Variants in SERPINA10 observed in about 807,000 individuals in gnomAD.
The protein encoded by SERPINA10 is protein Z-dependent protease inhibitor.
A neutral mutation model predicts 28.0 loss-of-function variants in SERPINA10; 24 were observed. The ratio of observed to expected loss-of-function variants is 0.86; its 90% CI spans 0.62 to 1.20. SERPINA10 has a LOEUF of 1.20. Ranked by LOEUF, SERPINA10 falls within the 50% of genes most tolerant of loss-of-function variation. The probability of loss-of-function intolerance (pLI) is 0.00; values close to 1 mark genes in which losing one functional copy is unlikely to be tolerated. For synonymous variants in SERPINA10, 207 were observed against 203.9 expected, an observed-to-expected ratio of 1.02 and a Z score of -0.13; for missense variants, 521 against 537.7, an observed-to-expected ratio of 0.97 and a Z score of 0.31.
intron 3 of SERPINA10, among the ~76,000 whole-genome samples, chr14:94,286,883 T>A (rs1895037371): frequency 6.6e-6 from 1 of 152,138 alleles, no homozygotes; most frequent in Admixed American, 6.6e-5. Flanking sequence ...ATGTTTGGGG[T>A]TCATTGTTAG....
At chr14:94,291,253 TC>T (rs1268661845) in intron 1 of SERPINA10, among the ~76,000 whole-genome samples, 1 of 152,042 alleles carries the variant, frequency 6.6e-6, no homozygotes, top group South Asian at 2.1e-4. Flanking sequence ...TAGCTGCAGC[TC>T]CCGGGTAGCA....
Position 94,290,468 on chromosome 14 carries a change from C to T in SERPINA10, c.126G>A (p.Val42=). Residue 42 remains valine (V), a synonymous_variant, in exon 2 of 5, where the codon GTG becomes GTA. Coordinates refer to ENST00000261994, the MANE Select transcript of SERPINA10 (RefSeq NM_001100607.3). ...PAPQNQTSRV[V]QAPKEEEEDE... ...CTTCCTCTTCCTCCTTGGGAGCCTG[C>T]ACTACCCTGCTGGTCTGGTTCTGAG... 6.2e-7 allele frequency: 1 copy of T among 1,613,718 alleles called. No individual in the cohort carries two copies. The highest frequency in any genetic ancestry group is 8.5e-7 in the Non-Finnish European group (1 of 1,179,814).
chr14:94,284,248 C>T, intron 4 of SERPINA10, 92 bp from the exon 5 acceptor site: 1 of 1,129,724 alleles, frequency 8.9e-7, no homozygotes, highest in Non-Finnish European at 1.3e-6. Context: ...AGTGGTCCTA[C>T]CCATGGGGTC....
chr14:94,281,450 A>G lies in SERPINA10; in HGVS notation c.*2515T>C, dbSNP rs1377369800. On this transcript the variant is annotated 3_prime_UTR_variant, in exon 5 of 5. Coordinates refer to ENST00000261994, the MANE Select transcript of SERPINA10 (RefSeq NM_001100607.3). ...GACTCTGTCTCAAAACAAAAACAAA[A>G]ACAAAAACAAAAACTCGACACATAT... 6.6e-6 allele frequency: 1 copy of G among 152,344 alleles called. No homozygotes were observed. The highest frequency in any genetic ancestry group is 1.5e-5 in the Non-Finnish European group (1 of 68,228). 9.4% of individuals were successfully genotyped at this position (152,344 alleles called of 1,614,324 possible).
intron 1 of SERPINA10, 102 bp from the exon 2 acceptor site, chr14:94,290,745 G>A (rs1483340151): frequency 3.0e-5 from 40 of 1,338,920 alleles, no homozygotes; most frequent in Non-Finnish European, 4.0e-5. Flanking sequence ...TGTGGCTCAA[G>A]TAGGTTAGCC....
rs749819862 is a variant in SERPINA10, at chr14:94,286,106, A to T, written c.1143+2T>A. On this transcript the variant is annotated splice_donor_variant, in intron 4 of 4. Transcript: ENST00000261994. LOFTEE classifies it high-confidence loss of function. Reference sequence around the variant, plus strand: ...GGGCTCTGATGAAAGATCCTGACTTACCCTGGATACTTGGAGATTTCTTCC... The same window carrying T: ...GGGCTCTGATGAAAGATCCTGACTTTCCCTGGATACTTGGAGATTTCTTCC... 5.6e-6 allele frequency: 9 copies of T among 1,614,006 alleles called. No homozygotes were observed. In the African/African-American group the frequency reaches 1.2e-4, roughly 22 times the overall value.
intron 2 of SERPINA10, among the ~76,000 whole-genome samples, chr14:94,288,818 C>A (rs1173281214): frequency 4.6e-5 from 7 of 152,188 alleles, no homozygotes; most frequent in African/African-American, 1.7e-4. Context: ...GGGAATCGCA[C>A]ACGAAAGCAG....
chr14:94,290,996 C>G (rs1267806871), intron 1 of SERPINA10, among the ~76,000 whole-genome samples: 1 of 152,128 alleles, frequency 6.6e-6, no homozygotes, highest in Non-Finnish European at 1.5e-5. Context: ...ATCAGGGGTC[C>G]TCACACACCT....
Position 94,293,110 on chromosome 14 carries a change from G to A in SERPINA10, c.-51+79C>T, listed in dbSNP as rs2232693. The A allele has an allele frequency of 8.3e-3, 1,426 of 172,670 alleles. 25 individuals are homozygous for A. The highest frequency in any genetic ancestry group is 0.031 in the African/African-American group (1,340 of 42,872). The allele number at this position is 172,670 out of a possible 1,614,324, so 10.7% of individuals were successfully genotyped here. ...CCACACAGCCCTCACGTTGGAGCCC[G>A]CCCAGGGATGATACCATCCTTCCCG... On this transcript the variant is annotated intron_variant, in intron 1 of 4. Transcript: ENST00000261994.
Position 94,288,334 on chromosome 14 carries a change from T to C in SERPINA10, c.944A>G (p.Tyr315Cys), listed in dbSNP as rs748688709. The C allele has an allele frequency of 6.2e-7, 1 of 1,614,032 alleles. No homozygotes were observed. Among genetic ancestry groups the C allele is most frequent in the African/African-American group, 1.3e-5 (1 of 74,926 alleles). Reference sequence around the variant, plus strand: ...TGTCTCCACCAAGTCTGTGGTCAGGTAGTCTTCAAGGGCGAGGTGGTCACC... The same window carrying C: ...TGTCTCCACCAAGTCTGTGGTCAGGCAGTCTTCAAGGGCGAGGTGGTCACC... ...KMGDHLALED[Y>C]LTTDLVETWL... The change falls in exon 3 of 5, where the codon TAC (tyrosine) becomes TGC (cysteine). Residue 315 changes from tyrosine (Y) to cysteine (C), a missense_variant. By Grantham distance (194) the Tyr-to-Cys change is radical (BLOSUM62 -2). Transcript: ENST00000261994.
At chr14:94,284,178 A>G (rs765044067) in intron 4 of SERPINA10, 22 bp from the exon 5 acceptor site, 1 of 1,607,260 alleles carries the variant, frequency 6.2e-7, no homozygotes, top group Non-Finnish European at 8.5e-7. Flanking sequence ...AAATAATGTG[A>G]AAAACCATTT....
intron 3 of SERPINA10, among the ~76,000 whole-genome samples, chr14:94,287,690 C>T (rs931136347): frequency 6.6e-6 from 1 of 152,300 alleles, no homozygotes; most frequent in Admixed American, 6.5e-5. Context: ...GGACTGGGCC[C>T]CTGTTTCCTC....
At position 94,292,275 on chromosome 14, in the gene SERPINA10, C is replaced by T. The variant is rs138918753; in HGVS notation, c.-51+914G>A. Among the ~76,000 whole-genome samples, 48 of 152,184 alleles carry T rather than the reference C, an allele frequency of 3.2e-4. No homozygotes were observed. In the East Asian group the frequency reaches 7.8e-3, roughly 25 times the overall value. On this transcript the variant is annotated intron_variant, in intron 1 of 4. Coordinates refer to ENST00000261994, the MANE Select transcript of SERPINA10 (RefSeq NM_001100607.3). ...ATAAGAAGAGAGCAGAGTCCCCCTC[C>T]GCACCTCCTCTCCATGGGAGGACAC...
chr14:94,290,116 G>T lies in SERPINA10; in HGVS notation c.478C>A (p.Leu160Ile). 1 of 1,614,190 alleles carries T rather than the reference G, an allele frequency of 6.2e-7. No homozygotes were observed. Among genetic ancestry groups the T allele is most frequent in the East Asian group, 2.2e-5 (1 of 44,862 alleles). The change falls in exon 2 of 5, where the codon CTC becomes ATC. Residue 160 changes from leucine to isoleucine, a missense_variant. Physicochemically the swap from Leu to Ile is conservative, Grantham distance 5. Transcript: ENST00000261994. ...ATGAAGGCAAAACTCCCCTGTGTGAGGCCCAGTTCCAGGTTGCGGGAGAGG... is the reference window on the plus strand; with the variant it reads ...ATGAAGGCAAAACTCCCCTGTGTGATGCCCAGTTCCAGGTTGCGGGAGAGG... ...ETLSRNLELG[L>I]TQGSFAFIHK...
chr14:94,290,409 T>G lies in SERPINA10; in HGVS notation c.185A>C (p.Glu62Ala). Residue 62 changes from glutamate (E) to alanine (A), a missense_variant, in exon 2 of 5, where the codon GAG becomes GCG. Glu to Ala is a moderately radical substitution (Grantham distance 107). Coordinates refer to ENST00000261994, the MANE Select transcript of SERPINA10 (RefSeq NM_001100607.3). ...EQEASEEKAS[E>A]EEKAWLMASR... is the part of the protein sequence containing the mutation. The stretch of plus-strand genomic sequence containing the variant: ...GGCCATCAGCCAGGCTTTCTCTTCC[T>G]CACTGGCCTTCTCCTCGCTGGCCTC... 1.9e-6 allele frequency: 3 copies of G among 1,614,116 alleles called. No individual in the cohort carries two copies. Among genetic ancestry groups the G allele is most frequent in the Non-Finnish European group, 2.5e-6 (3 of 1,179,994 alleles).
chr14:94,286,858 A>G (rs1182989205), intron 3 of SERPINA10, among the ~76,000 whole-genome samples: 1 of 152,230 alleles, frequency 6.6e-6, no homozygotes. Context: ...AGCAAACATT[A>G]CTTGAGGGCT....
In SERPINA10 at chr14:94,284,157, C is replaced by G. The variant is rs868019115; in HGVS notation, c.1144-1G>C. ...CTTCAATCACTGTTCTTTGTAAAAC[C>G]TGGAAAAAGGAAATAATGTGAAAAA... On this transcript the variant is annotated splice_acceptor_variant, in intron 4 of 4. Coordinates refer to ENST00000261994, the MANE Select transcript of SERPINA10 (RefSeq NM_001100607.3). LOFTEE classifies it high-confidence loss of function. 4.8e-5 allele frequency: 77 copies of G among 1,613,504 alleles called. 1 individual carries two copies. Among genetic ancestry groups the G allele is most frequent in the Non-Finnish European group, 6.5e-5 (77 of 1,179,626 alleles).
intron 2 of SERPINA10, 124 bp downstream of exon 2, chr14:94,289,752 G>T: frequency 9.0e-7 from 1 of 1,109,852 alleles, no homozygotes; most frequent in Non-Finnish European, 1.4e-6. Context: ...ATCTGTTTTT[G>T]AAACGTGAAA....
intron 4 of SERPINA10, among the ~76,000 whole-genome samples, chr14:94,284,778 T>C (rs1196673125): frequency 6.6e-6 from 1 of 152,188 alleles, no homozygotes; most frequent in Non-Finnish European, 1.5e-5. Context: ...TACTGTGTTA[T>C]AAGAGATAAT....
Sources: gnomAD v4.1 joint callset for allele counts (sites outside exome capture counted in the v4.1 genomes callset) on GRCh38, gnomAD v4.1.1 for gene constraint, MANE v1.5 for transcripts, NCBI Gene and HGNC (gene_info 2026-07-23, HGNC 2026-07-21) for gene names.